Variants in ROBO2 observed in about 807,000 individuals in gnomAD.
The protein encoded by ROBO2 is roundabout homolog 2.
Under a neutral mutation model 160.8 loss-of-function variants are expected in ROBO2, and 53 were observed. The ratio of observed to expected loss-of-function variants is 0.33; its 90% CI spans 0.26 to 0.41. The LOEUF is 0.41. Among genes scored for constraint, ROBO2 ranks in the 10% least tolerant of loss-of-function variants. The pLI, the probability that ROBO2 is intolerant of heterozygous loss-of-function variation, is 1.00. For synonymous variants in ROBO2, 664 were observed against 611.7 expected (o/e 1.09, Z -1.26); for missense variants, 1,577 against 1,722.4 (o/e 0.92, Z 1.49).
intron 2 of ROBO2, among the ~76,000 whole-genome samples, chr3:77,108,138 A>G (rs1043659624): frequency 6.6e-6 from 1 of 151,096 alleles, no homozygotes. Flanking sequence ...TATTATACAT[A>G]TATGTGTGTA....
chr3:76,191,827 C>T (rs1702019315), intron 2 of ROBO2, among the ~76,000 whole-genome samples: 2 of 152,030 alleles, frequency 1.3e-5, no homozygotes, highest in Non-Finnish European at 2.9e-5. Context: ...CCATATCTGT[C>T]ACACCTTCTC....
chr3:77,617,074 A>C (rs921593674), intron 21 of ROBO2, among the ~76,000 whole-genome samples: 4 of 152,186 alleles, frequency 2.6e-5, no homozygotes, highest in Non-Finnish European at 5.9e-5. Flanking sequence ...CTAGAACAAG[A>C]ACAAGTAAAA....
chr3:76,677,162 T>G (rs566589136), intron 2 of ROBO2, among the ~76,000 whole-genome samples: 4 of 152,106 alleles, frequency 2.6e-5, no homozygotes, highest in Non-Finnish European at 5.9e-5. Flanking sequence ...AGTATCACTA[T>G]GTACCCAAAC....
At chr3:76,128,549 G>C (rs1049892601) in intron 2 of ROBO2, among the ~76,000 whole-genome samples, 1 of 151,332 alleles carries the variant, frequency 6.6e-6, no homozygotes. Flanking sequence ...ACTAGTCGCT[G>C]TATCTAAAAA....
intron 13 of ROBO2, among the ~76,000 whole-genome samples, chr3:77,572,867 A>C (rs1424403563): frequency 2.6e-5 from 4 of 152,106 alleles, no homozygotes; most frequent in African/African-American, 9.6e-5. Flanking sequence ...ACATGAAAGA[A>C]TACGTTTTGT....
chr3:76,647,996 T>C lies in ROBO2; in HGVS notation c.110-450018T>C, dbSNP rs115925443. ...CCAGCCATAAAACATACAGTTAAAA[T>C]TGGGATAGAAATATTAAAACCCTAT... On this transcript the variant is annotated intron_variant, in intron 2 of 26. Transcript: ENST00000487694. 5.7e-3 allele frequency among the ~76,000 whole-genome samples: 869 copies of C among 152,304 alleles called. 8 individuals are homozygous for C. The highest frequency in any genetic ancestry group is 0.02 in the African/African-American group (821 of 41,576).
At chr3:77,057,569 A>ATTTTTTTTTTT (rs71104648) in intron 1 of ROBO2, among the ~76,000 whole-genome samples, 18 of 105,254 alleles carry the variant, frequency 1.7e-4, no homozygotes, top group Non-Finnish European at 2.8e-4. Flanking sequence ...ATTCCAGAGG[A>ATTTTTTTTTTT]TTTTTTTTTT....
chr3:77,323,167 T>C (rs1457659150), intron 2 of ROBO2, among the ~76,000 whole-genome samples: 1 of 149,458 alleles, frequency 6.7e-6, no homozygotes, highest in East Asian at 1.9e-4. Flanking sequence ...AATAGTGTTT[T>C]ATCTGACTCC....
At chr3:76,793,199 A>G (rs2063478691) in intron 2 of ROBO2, among the ~76,000 whole-genome samples, 1 of 151,874 alleles carries the variant, frequency 6.6e-6, no homozygotes, top group African/African-American at 2.4e-5. Context: ...TTAAGATATA[A>G]GCAGCACATA....
intron 2 of ROBO2, among the ~76,000 whole-genome samples, chr3:76,892,318 T>C (rs1452716900): frequency 6.6e-6 from 1 of 152,314 alleles, no homozygotes; most frequent in South Asian, 2.1e-4. Flanking sequence ...CTGATTTTGA[T>C]ATCCACAAAT....
At chr3:76,740,331 T>C (rs1230646168) in intron 2 of ROBO2, among the ~76,000 whole-genome samples, 1 of 152,210 alleles carries the variant, frequency 6.6e-6, no homozygotes, top group Non-Finnish European at 1.5e-5. Context: ...AAGAATTCTG[T>C]AGTCTGTCTG....
At chr3:76,947,221 A>T (rs950413404) in intron 2 of ROBO2, among the ~76,000 whole-genome samples, 1 of 152,042 alleles carries the variant, frequency 6.6e-6, no homozygotes, top group African/African-American at 2.4e-5. Flanking sequence ...AAAAATAAAT[A>T]TTATAATATA....
intron 2 of ROBO2, among the ~76,000 whole-genome samples, chr3:75,947,509 A>G (rs1948355074): frequency 6.6e-6 from 1 of 152,190 alleles, no homozygotes; most frequent in South Asian, 2.1e-4. Flanking sequence ...TCTTGGCAAC[A>G]CAAAGCCTGC....
intron 2 of ROBO2, among the ~76,000 whole-genome samples, chr3:77,274,141 C>A (rs2059676788): frequency 1.3e-5 from 2 of 151,934 alleles, no homozygotes; most frequent in Admixed American, 1.3e-4. Context: ...AATTTTAAAC[C>A]AAAACTAAAC....
At chr3:76,243,132 T>C (rs1398447669) in intron 2 of ROBO2, among the ~76,000 whole-genome samples, 1 of 152,172 alleles carries the variant, frequency 6.6e-6, no homozygotes, top group Non-Finnish European at 1.5e-5. Context: ...AGTCGCTTGA[T>C]TAACCTTTTT....
chr3:77,131,963 A>G (rs2075889398), intron 2 of ROBO2, among the ~76,000 whole-genome samples: 1 of 152,176 alleles, frequency 6.6e-6, no homozygotes, highest in South Asian at 2.1e-4. Context: ...AAATAGTGTC[A>G]TTAAAATAGG....
chr3:76,794,119 G>A (rs886807882), intron 2 of ROBO2, among the ~76,000 whole-genome samples: 8 of 151,830 alleles, frequency 5.3e-5, no homozygotes, highest in Middle Eastern at 3.4e-3. Flanking sequence ...AAATAAAAAC[G>A]TCTTATTAAA....
At chr3:77,226,051 A>G (rs896657186) in intron 2 of ROBO2, among the ~76,000 whole-genome samples, 2 of 152,048 alleles carry the variant, frequency 1.3e-5, no homozygotes, top group South Asian at 2.1e-4. Context: ...ATGAAAATTT[A>G]GAGATGCATT....
intron 2 of ROBO2, among the ~76,000 whole-genome samples, chr3:77,019,250 G>A (rs1265432903): frequency 1.3e-5 from 2 of 152,116 alleles, no homozygotes; most frequent in African/African-American, 4.8e-5. Context: ...AATGCTTGTT[G>A]AGTGCCATTT....
Sources: allele counts gnomAD v4.1 joint callset (sites outside exome capture counted in the v4.1 genomes callset), GRCh38; gene constraint gnomAD v4.1.1; transcripts MANE v1.5; gene names NCBI Gene and HGNC (gene_info 2026-07-23, HGNC 2026-07-21).